ZMAT4: variants seen among roughly 807,000 people sequenced by gnomAD.
The protein encoded by ZMAT4 is zinc finger matrin-type protein 4.
A neutral mutation model predicts 28.7 loss-of-function variants in ZMAT4; 17 were observed. That is an observed-to-expected ratio of 0.59 (90% CI 0.41 to 0.89). ZMAT4 has a LOEUF of 0.89. Ranked by LOEUF, ZMAT4 falls within the 40% of genes least tolerant of loss-of-function variation. The pLI, the probability that ZMAT4 is intolerant of heterozygous loss-of-function variation, is 0.00. For missense variants in ZMAT4, 240 were observed against 283.8 expected (o/e 0.85, Z 1.11); for synonymous variants, 117 against 109.2 (o/e 1.07, Z -0.44).
intron 1 of ZMAT4, among the ~76,000 whole-genome samples, chr8:40,826,338 T>C (rs1028816733): frequency 5.9e-5 from 9 of 152,164 alleles, no homozygotes; most frequent in Non-Finnish European, 1.0e-4. Flanking sequence ...TAAGTACATA[T>C]AGCATTATAC....
At chr8:40,541,159 C>CTATTATT (rs1162674202) in intron 6 of ZMAT4, among the ~76,000 whole-genome samples, 1 of 152,038 alleles carries the variant, frequency 6.6e-6, no homozygotes, top group Non-Finnish European at 1.5e-5. Context: ...TAAATGTGAT[C>CTATTATT]TATTATTTAT....
intron 2 of ZMAT4, among the ~76,000 whole-genome samples, chr8:40,780,523 G>A (rs62642751): frequency 0.027 from 4,110 of 152,196 alleles, 90 homozygotes; most frequent in South Asian, 0.052. Context: ...CCGGAGCACC[G>A]ACATTCTTGT....
chr8:40,576,467 C>A (rs896989702), intron 6 of ZMAT4, among the ~76,000 whole-genome samples: 1 of 150,738 alleles, frequency 6.6e-6, no homozygotes, highest in Non-Finnish European at 1.5e-5. Flanking sequence ...GACTAACAAC[C>A]GATTTATTAG....
chr8:40,790,017 GCCAATA>G, intron 2 of ZMAT4, among the ~76,000 whole-genome samples: 1 of 152,196 alleles, frequency 6.6e-6, no homozygotes, highest in East Asian at 1.9e-4. Flanking sequence ...GCTTCCCCAT[GCCAATA>G]CCTCCAGTCA....
intron 3 of ZMAT4, among the ~76,000 whole-genome samples, chr8:40,706,529 A>C (rs1810358706): frequency 6.6e-6 from 1 of 152,112 alleles, no homozygotes; most frequent in Admixed American, 6.6e-5. Flanking sequence ...TGATTTTTGA[A>C]TTTTTGGCCG....
chr8:40,808,858 A>G lies in ZMAT4; in HGVS notation c.102+16717T>C, dbSNP rs1205086605. Among the ~76,000 whole-genome samples, 9 of 152,118 alleles carry G rather than the reference A, an allele frequency of 5.9e-5. No homozygotes were observed. In the East Asian group the frequency reaches 1.7e-3, roughly 29 times the overall value. On this transcript the variant is annotated intron_variant, in intron 2 of 6. Coordinates refer to ENST00000297737, the MANE Select transcript of ZMAT4 (RefSeq NM_024645.3). ...CCTGGATGCCAACTATTTAAAAAAA[A>G]AAAAAAACTATTCCCGAACTCTTTC...
rs563839724 is a variant in ZMAT4 at position 40,695,914 on chromosome 8, G to A, written c.349+1331C>T. Among the ~76,000 whole-genome samples the A allele has an allele frequency of 4.6e-5, 7 of 151,502 alleles. No homozygotes were observed. In the Admixed American group the frequency reaches 4.6e-4, roughly 10 times the overall value. ...AATTTAACAGTAATATTCTGCTTCA[G>A]CAGAGAGAACAAATGGACTGGTTAT... On this transcript the variant is annotated intron_variant, in intron 4 of 6. Coordinates refer to ENST00000297737, the MANE Select transcript of ZMAT4 (RefSeq NM_024645.3).
chr8:40,573,738 G>A (rs1483956902), intron 6 of ZMAT4, among the ~76,000 whole-genome samples: 1 of 152,192 alleles, frequency 6.6e-6, no homozygotes, highest in Non-Finnish European at 1.5e-5. Flanking sequence ...GTTAGGATGA[G>A]CTGGAAAGAG....
chr8:40,697,324 G>A lies in ZMAT4; in HGVS notation c.270C>T (p.Ala90=), dbSNP rs548760856. 5.0e-6 allele frequency: 8 copies of A among 1,613,568 alleles called. No individual in the cohort carries two copies. Among genetic ancestry groups the A allele is most frequent in the East Asian group, 4.5e-5 (2 of 44,862 alleles). Reference sequence around the variant, plus strand: ...GGATTTTGCCTTGATAATGGGAATCGGCCACCACCGCTGAAGTGAATGACA... The same window carrying A: ...GGATTTTGCCTTGATAATGGGAATCAGCCACCACCGCTGAAGTGAATGACA... ...CNMSFTSAVV[A]DSHYQGKIHA... Residue 90 remains alanine, a synonymous_variant, in exon 4 of 7, where the codon GCC becomes GCT. Transcript: ENST00000297737.
At chr8:40,706,604 T>C (rs1377547167) in intron 3 of ZMAT4, among the ~76,000 whole-genome samples, 1 of 152,208 alleles carries the variant, frequency 6.6e-6, no homozygotes, top group Non-Finnish European at 1.5e-5. Context: ...CACACTTTAC[T>C]ACCCCAAAAT....
At chr8:40,766,317 T>A (rs1813157416) in intron 3 of ZMAT4, among the ~76,000 whole-genome samples, 1 of 152,244 alleles carries the variant, frequency 6.6e-6, no homozygotes, top group Admixed American at 6.5e-5. Flanking sequence ...GCGTCTTATT[T>A]AGCTGTTTTG....
At chr8:40,895,199 G>C (rs757377266) in intron 1 of ZMAT4, among the ~76,000 whole-genome samples, 1 of 152,180 alleles carries the variant, frequency 6.6e-6, no homozygotes, top group African/African-American at 2.4e-5. Context: ...AGGAGAAAAC[G>C]CTGGGTCTGT....
In ZMAT4 at chr8:40,768,587, C is replaced by A. The variant is rs73675703; in HGVS notation, c.103-857G>T. Among the ~76,000 whole-genome samples the A allele has an allele frequency of 3.0e-3, 458 of 152,278 alleles. 5 individuals are homozygous for A. The highest frequency in any genetic ancestry group is 0.011 in the African/African-American group (440 of 41,558). ...TTCAGAATCTGGGTTCCAGCTCTAC[C>A]ACTTCCTAGCTGTGTGATATTAGGC... On this transcript the variant is annotated intron_variant, in intron 2 of 6. Coordinates refer to ENST00000297737, the MANE Select transcript of ZMAT4 (RefSeq NM_024645.3).
At chr8:40,676,983 A>G (rs886340269) in intron 4 of ZMAT4, among the ~76,000 whole-genome samples, 2 of 152,184 alleles carry the variant, frequency 1.3e-5, no homozygotes, top group African/African-American at 2.4e-5. Context: ...AGCTTCCCAA[A>G]TCCTTATCAA....
chr8:40,622,803 C>A (rs1806246086), intron 5 of ZMAT4, among the ~76,000 whole-genome samples: 1 of 152,190 alleles, frequency 6.6e-6, no homozygotes, highest in Non-Finnish European at 1.5e-5. Flanking sequence ...AGACCTTACT[C>A]ATTACCATGA....
chr8:40,773,125 C>A (rs1256052025), intron 2 of ZMAT4, among the ~76,000 whole-genome samples: 4 of 152,220 alleles, frequency 2.6e-5, no homozygotes, highest in African/African-American at 9.6e-5. Flanking sequence ...ACGAATGGAA[C>A]TCTTTTCCAA....
At position 40,885,601 on chromosome 8, in the gene ZMAT4, T is replaced by C. The variant is rs1349041722; in HGVS notation, c.-5+12082A>G. ...GTGCAGTGGCACAGTCATAGCTCAC[T>C]GCAGCCTCGAACTCCTGGCCTCAAG... On this transcript the variant is annotated intron_variant, in intron 1 of 6. Transcript: ENST00000297737. Among the ~76,000 whole-genome samples the C allele has an allele frequency of 7.9e-5, 12 of 152,362 alleles. No individual in the cohort carries two copies. The South Asian group carries it at 2.3e-3, about 29-fold the overall frequency.
chr8:40,730,471 A>G (rs1235000612), intron 3 of ZMAT4, among the ~76,000 whole-genome samples: 2 of 152,242 alleles, frequency 1.3e-5, no homozygotes, highest in Non-Finnish European at 2.9e-5. Flanking sequence ...TGAATGTGCC[A>G]TCCTATGATG....
At chr8:40,771,805 G>A (rs1813400989) in intron 2 of ZMAT4, among the ~76,000 whole-genome samples, 1 of 152,170 alleles carries the variant, frequency 6.6e-6, no homozygotes, top group South Asian at 2.1e-4. Flanking sequence ...CACTGTGAAG[G>A]ACTGGAGGAA....
Sources: gnomAD v4.1 joint callset for allele counts (sites outside exome capture counted in the v4.1 genomes callset) on GRCh38, gnomAD v4.1.1 for gene constraint, MANE v1.5 for transcripts, NCBI Gene and HGNC (gene_info 2026-07-23, HGNC 2026-07-21) for gene names.